Variants in CNOT6L observed in about 807,000 individuals in gnomAD.
CNOT6L encodes CCR4-NOT transcription complex subunit 6 like, also known as CCR4-NOT transcription complex subunit 6-like.
In CNOT6L, 7 loss-of-function variants were observed where a neutral mutation model predicts 64.0. The ratio of observed to expected loss-of-function variants is 0.11; its 90% CI spans 0.06 to 0.21. The LOEUF is 0.21. Ranked by LOEUF, CNOT6L falls within the 10% of genes least tolerant of loss-of-function variation. The pLI, the probability that CNOT6L is intolerant of heterozygous loss-of-function variation, is 1.00. For missense variants in CNOT6L, 245 were observed against 669.0 expected, an observed-to-expected ratio of 0.37 and a Z score of 6.99; for synonymous variants, 193 against 243.4, an observed-to-expected ratio of 0.79 and a Z score of 1.93.
chr4:77,754,924 GATA>G (rs1215795965), intron 5 of CNOT6L, among the ~76,000 whole-genome samples: 1 of 58,716 alleles, frequency 1.7e-5, no homozygotes, highest in Admixed American at 1.8e-4. Context: ...CCGGTTTCTA[GATA>G]ATGACATAGG....
chr4:77,751,391 T>G (rs1382903014), intron 5 of CNOT6L, among the ~76,000 whole-genome samples: 3 of 152,070 alleles, frequency 2.0e-5, no homozygotes, highest in African/African-American at 4.8e-5. Context: ...TGAAAAAACC[T>G]GTGGAACTAT....
In CNOT6L at chr4:77,717,134, G is replaced by A. The variant is rs1029828569; in HGVS notation, c.*3297C>T. On this transcript the variant is annotated 3_prime_UTR_variant, in exon 12 of 12. Transcript: ENST00000504123. Reference sequence around the variant, plus strand: ...GGTGCTGGGATTCTGTTCTCTGCTTGCTTTTAGGCAGTGCTGTTGCTTAAA... The same window carrying A: ...GGTGCTGGGATTCTGTTCTCTGCTTACTTTTAGGCAGTGCTGTTGCTTAAA... 1 of 152,394 alleles carries A rather than the reference G, an allele frequency of 6.6e-6. No homozygotes were observed. The highest frequency in any genetic ancestry group is 1.5e-5 in the Non-Finnish European group (1 of 67,972). 9.4% of individuals were successfully genotyped at this position (152,394 alleles called of 1,614,324 possible).
At chr4:77,797,937 C>A (rs1360387151) in intron 1 of CNOT6L, among the ~76,000 whole-genome samples, 1 of 152,098 alleles carries the variant, frequency 6.6e-6, no homozygotes, top group African/African-American at 2.4e-5. Context: ...ATGAGTTTCG[C>A]AAGGATATCT....
chr4:77,741,853 T>A (rs1298112544), intron 8 of CNOT6L, among the ~76,000 whole-genome samples: 1 of 152,178 alleles, frequency 6.6e-6, no homozygotes, highest in African/African-American at 2.4e-5. Context: ...ACACAAAAAC[T>A]AATACTTTAC....
intron 1 of CNOT6L, among the ~76,000 whole-genome samples, chr4:77,792,310 T>C (rs9993197): frequency 0.12 from 17,620 of 152,164 alleles, 1,342 homozygotes; most frequent in Non-Finnish European, 0.18. Context: ...TTCTATACTT[T>C]AAGCCATCAG....
Position 77,803,693 on chromosome 4 carries a change from C to T in CNOT6L, c.5+15611G>A, listed in dbSNP as rs185548919. On this transcript the variant is annotated intron_variant, in intron 1 of 11. Coordinates refer to ENST00000504123, the MANE Select transcript of CNOT6L (RefSeq NM_144571.3). ...CCGAGGCAGGTAGATAACCTGAGAACGGCAGTTCAAGACCAGCCTGACCAA... is the reference window on the plus strand; with the variant it reads ...CCGAGGCAGGTAGATAACCTGAGAATGGCAGTTCAAGACCAGCCTGACCAA... Among the ~76,000 whole-genome samples the T allele has an allele frequency of 1.2e-4, 19 of 152,264 alleles. No homozygotes were observed. In the East Asian group the frequency reaches 2.7e-3, roughly 22 times the overall value.
At chr4:77,757,015 T>C in intron 4 of CNOT6L, 64 bp from the exon 5 acceptor site, 1 of 691,702 alleles carries the variant, frequency 1.4e-6, no homozygotes, top group South Asian at 2.3e-5. Context: ...CAGAAATGTA[T>C]ACTATAAAAT....
chr4:77,791,571 A>G (rs530358433), intron 1 of CNOT6L, among the ~76,000 whole-genome samples: 1 of 152,258 alleles, frequency 6.6e-6, no homozygotes, highest in Admixed American at 6.5e-5. Context: ...CAGAACATTT[A>G]TGGTTTTTTG....
chr4:77,801,780 C>T (rs562922086), intron 1 of CNOT6L, among the ~76,000 whole-genome samples: 1 of 149,972 alleles, frequency 6.7e-6, no homozygotes, highest in African/African-American at 2.5e-5. Flanking sequence ...GTCCCAGCTA[C>T]TCAGAAGCTG....
chr4:77,777,724 T>C (rs980131049), intron 1 of CNOT6L, among the ~76,000 whole-genome samples: 2 of 152,188 alleles, frequency 1.3e-5, no homozygotes, highest in Middle Eastern at 3.2e-3. Flanking sequence ...TGGAACTGTT[T>C]CCAAGTAAAG....
At position 77,744,746 on chromosome 4, in the gene CNOT6L, T is replaced by G; in HGVS notation, c.689A>C (p.Asn230Thr). The G allele has an allele frequency of 6.2e-7, 1 of 1,613,200 alleles. No homozygotes were observed. The highest frequency in any genetic ancestry group is 8.5e-7 in the Non-Finnish European group (1 of 1,179,536). ...RKKGIMEEIVNCDADIISLQE... is the reference protein window; with the variant it reads ...RKKGIMEEIVTCDADIISLQE... ...AAGACTAATGATATCTGCGTCACAG[T>G]TAACAATTTCTTCCATAATTCCCTT... is the stretch of plus-strand genomic sequence containing the variant. Residue 230 changes from asparagine to threonine, a missense_variant, in exon 7 of 12, where the codon AAC becomes ACC. Asn to Thr is a moderately conservative substitution (Grantham distance 65). Transcript: ENST00000504123.
rs1414796770 is a variant in CNOT6L at position 77,719,688 on chromosome 4, TATAA to T, written c.*739_*742del. 5 of 152,642 alleles carry T rather than the reference TATAA, an allele frequency of 3.3e-5. No homozygotes were observed. Among genetic ancestry groups the T allele is most frequent in the Non-Finnish European group, 5.9e-5 (4 of 68,046 alleles). 9.5% of individuals were successfully genotyped at this position (152,642 alleles called of 1,614,324 possible). ...CAATACAGATTACTTACTTTTTCTCTATAAATAAACTTGAGAGACAGGCTTAGAA... is the reference window on the plus strand; with the variant it reads ...CAATACAGATTACTTACTTTTTCTCTATAAACTTGAGAGACAGGCTTAGAA... On this transcript the variant is annotated 3_prime_UTR_variant, in exon 12 of 12. Coordinates refer to ENST00000504123, the MANE Select transcript of CNOT6L (RefSeq NM_144571.3).
chr4:77,814,367 A>G (rs1425675701), intron 1 of CNOT6L, among the ~76,000 whole-genome samples: 1 of 152,202 alleles, frequency 6.6e-6, no homozygotes, highest in African/African-American at 2.4e-5. Context: ...CTTCTAAGGT[A>G]TCTAAATTAT....
At position 77,714,225 on chromosome 4, in the gene CNOT6L, ATTCT is replaced by A. The variant is rs1720486061; in HGVS notation, c.*6202_*6205del. ...GACTCAAATGTATGCAAAATAATGA[ATTCT>A]TTAACTTAATGCCAGGTAATGAAAA... On this transcript the variant is annotated 3_prime_UTR_variant, in exon 12 of 12. Coordinates refer to ENST00000504123, the MANE Select transcript of CNOT6L (RefSeq NM_144571.3). 1 of 152,536 alleles carries A rather than the reference ATTCT, an allele frequency of 6.6e-6. No homozygotes were observed. The highest frequency in any genetic ancestry group is 6.6e-5 in the Admixed American group (1 of 15,254). The allele number at this position is 152,536 out of a possible 1,614,324, so 9.4% of individuals were successfully genotyped here.
intron 1 of CNOT6L, among the ~76,000 whole-genome samples, chr4:77,778,357 T>TA (rs1728387210): frequency 6.6e-6 from 1 of 151,544 alleles, no homozygotes; most frequent in Non-Finnish European, 1.5e-5. Flanking sequence ...TGAGAATGGG[T>TA]AAAACACCCT....
At chr4:77,734,402 A>G (rs1385053662) in intron 8 of CNOT6L, among the ~76,000 whole-genome samples, 1 of 152,174 alleles carries the variant, frequency 6.6e-6, no homozygotes, top group African/African-American at 2.4e-5. Context: ...TCTATCAGGG[A>G]CATTTCCTAT....
At chr4:77,756,266 T>A (rs1292869362) in intron 5 of CNOT6L, among the ~76,000 whole-genome samples, 1 of 152,234 alleles carries the variant, frequency 6.6e-6, no homozygotes, top group East Asian at 1.9e-4. Context: ...GTGCTAGGAT[T>A]ACAAGTGTGA....
chr4:77,772,412 G>C (rs1727659365), intron 4 of CNOT6L, among the ~76,000 whole-genome samples: 1 of 151,676 alleles, frequency 6.6e-6, no homozygotes, highest in African/African-American at 2.4e-5. Flanking sequence ...TTTTAGTAGA[G>C]ACAGGGTTTC....
intron 1 of CNOT6L, among the ~76,000 whole-genome samples, chr4:77,783,850 A>T (rs2110088152): frequency 6.6e-6 from 1 of 150,864 alleles, no homozygotes; most frequent in Non-Finnish European, 1.5e-5. Flanking sequence ...TTTTATTTCT[A>T]GTCAGTTTAT....
Sources: gnomAD v4.1 joint callset for allele counts (sites outside exome capture counted in the v4.1 genomes callset) on GRCh38, gnomAD v4.1.1 for gene constraint, MANE v1.5 for transcripts, NCBI Gene and HGNC (gene_info 2026-07-23, HGNC 2026-07-21) for gene names.